Variants in FNBP4 observed in about 807,000 individuals in gnomAD.
FNBP4 encodes the protein formin-binding protein 4.
A neutral mutation model predicts 119.3 loss-of-function variants in FNBP4; 34 were observed. That is an observed-to-expected ratio of 0.28 (90% CI 0.22 to 0.38). The LOEUF is 0.38. Ranked by LOEUF, FNBP4 falls within the 10% of genes least tolerant of loss-of-function variation. FNBP4 has a pLI of 1.00. For synonymous variants in FNBP4, 462 were observed against 430.6 expected (o/e 1.07, Z -0.90); for missense variants, 1,112 against 1,228.9 (o/e 0.90, Z 1.42).
At chr11:47,729,661 C>CACTA (rs768040143) in intron 12 of FNBP4, 191 of 968,624 alleles carry the variant, frequency 2.0e-4, no homozygotes, top group Non-Finnish European at 2.3e-4. Flanking sequence ...AGGCGTGGGC[C>CACTA]ACTAACTATG....
intron 8 of FNBP4, among the ~76,000 whole-genome samples, chr11:47,737,749 AT>A (rs554267023): frequency 4.1e-4 from 56 of 137,372 alleles, no homozygotes; most frequent in East Asian, 2.6e-3. Context: ...CTGCATCATA[AT>A]TTTTTTTTTT....
rs142558389 is a variant in FNBP4 at position 47,749,427 on chromosome 11, G to A, written c.906+1489C>T. 5.4e-3 allele frequency among the ~76,000 whole-genome samples: 814 copies of A among 152,054 alleles called. 10 individuals carry two copies. The highest frequency in any genetic ancestry group is 0.018 in the African/African-American group (731 of 41,474). ...AAAAAAATAGAAAAATTAGTCAGGC[G>A]TTGTGCCTGTAATCCAAGCTACTCG... On this transcript the variant is annotated intron_variant, in intron 6 of 16. Coordinates refer to ENST00000263773, the MANE Select transcript of FNBP4 (RefSeq NM_015308.5).
At chr11:47,762,499 T>C (rs373068177) in intron 2 of FNBP4, among the ~76,000 whole-genome samples, 7 of 151,992 alleles carry the variant, frequency 4.6e-5, no homozygotes, top group African/African-American at 1.4e-4. Flanking sequence ...CATGATCATA[T>C]ATAGCTGACT....
intron 2 of FNBP4, 81 bp from the exon 3 acceptor site, chr11:47,754,745 G>GT (rs1261465059): frequency 1.3e-4 from 187 of 1,480,388 alleles, no homozygotes; most frequent in Admixed American, 1.0e-3. Context: ...AGTATAACAT[G>GT]TTTTTTTTAA....
intron 12 of FNBP4, chr11:47,727,065 C>A (rs2097561860): frequency 6.6e-6 from 1 of 152,090 alleles, no homozygotes; most frequent in Non-Finnish European, 1.5e-5. Context: ...ATGGTGGTGA[C>A]ATGCTATTAT....
chr11:47,728,107 C>G (rs1460607222), intron 12 of FNBP4, among the ~76,000 whole-genome samples: 1 of 151,986 alleles, frequency 6.6e-6, no homozygotes, highest in Non-Finnish European at 1.5e-5. Context: ...AACTCCCGAC[C>G]TCAGGTGATC....
intron 3 of FNBP4, among the ~76,000 whole-genome samples, chr11:47,753,330 G>A (rs2097608175): frequency 6.6e-6 from 1 of 152,116 alleles, no homozygotes; most frequent in Admixed American, 6.5e-5. Flanking sequence ...AAAAAATTAG[G>A]CTGGGCACGG....
rs1004477810 is a variant in FNBP4 at position 47,767,246 on chromosome 11, G to A, written c.43C>T (p.Leu15=). ...SRAVPGRRPI[L]QLSPPGPRGS... ...CGAGGACCCGGCGGAGAGAGTTGCA[G>A]GATGGGCCTACGGCCGGGTACCGCC... Residue 15 remains leucine (L), a synonymous_variant, in exon 1 of 17, where the codon CTG becomes TTG. Transcript: ENST00000263773. 10 of 1,569,402 alleles carry A rather than the reference G, an allele frequency of 6.4e-6. No individual in the cohort carries two copies. In the East Asian group the frequency reaches 2.1e-4, roughly 33 times the overall value.
At chr11:47,718,236 T>TG (rs1279301680) in intron 16 of FNBP4, among the ~76,000 whole-genome samples, 6 of 151,440 alleles carry the variant, frequency 4.0e-5, no homozygotes, top group Non-Finnish European at 8.8e-5. Context: ...GTTTTTGAGA[T>TG]GGAGTCTTGC....
chr11:47,766,219 C>T (rs533349471), intron 1 of FNBP4, among the ~76,000 whole-genome samples: 372 of 152,016 alleles, frequency 2.4e-3, no homozygotes, highest in Middle Eastern at 0.014. Flanking sequence ...GAGGCTAAGG[C>T]GGGAGGATCG....
intron 12 of FNBP4, chr11:47,730,170 G>T: frequency 1.0e-6 from 1 of 985,342 alleles, no homozygotes; most frequent in Non-Finnish European, 1.2e-6. Flanking sequence ...CTACGATCAA[G>T]CCTCTTCAGT....
At chr11:47,718,235 A>C (rs1233906598) in intron 16 of FNBP4, among the ~76,000 whole-genome samples, 2 of 151,044 alleles carry the variant, frequency 1.3e-5, no homozygotes, top group Non-Finnish European at 3.0e-5. Context: ...TGTTTTTGAG[A>C]TGGAGTCTTG....
At position 47,754,622 on chromosome 11, in the gene FNBP4, T is replaced by C. The variant is rs199623914; in HGVS notation, c.356A>G (p.Asp119Gly). The change falls in exon 3 of 17, where the codon GAT becomes GGT. Residue 119 changes from aspartate to glycine, a missense_variant. Coordinates refer to ENST00000263773, the MANE Select transcript of FNBP4 (RefSeq NM_015308.5). ...LLGAYADSDD[D>G]DNDVSEKLAQ... ...TAGTTTTTCGGAAACATCATTGTCA[T>C]CGTCATCACTGTCAGCATAAGCACC... 1 of 1,614,192 alleles carries C rather than the reference T, an allele frequency of 6.2e-7. No homozygotes were observed. Among genetic ancestry groups the C allele is most frequent in the Non-Finnish European group, 8.5e-7 (1 of 1,180,042 alleles).
Position 47,719,151 on chromosome 11 carries a change from G to C in FNBP4, c.2963+778C>G, listed in dbSNP as rs188133904. Among the ~76,000 whole-genome samples the C allele has an allele frequency of 9.8e-3, 1,484 of 151,966 alleles. 29 individuals are homozygous for C. Among genetic ancestry groups the C allele is most frequent in the African/African-American group, 0.034 (1,421 of 41,460 alleles). ...GATCCACCCGCCTTGGCCTCCCAAA[G>C]TGCTGGGATTACAGGCGTGAGCCAC... is the stretch of plus-strand genomic sequence containing the variant. On this transcript the variant is annotated intron_variant, in intron 16 of 16. Transcript: ENST00000263773.
chr11:47,728,104 G>C (rs1195265141), intron 12 of FNBP4, among the ~76,000 whole-genome samples: 5 of 151,768 alleles, frequency 3.3e-5, no homozygotes, highest in African/African-American at 1.2e-4. Flanking sequence ...TTGAACTCCC[G>C]ACCTCAGGTG....
rs745542571 is a variant in FNBP4 at position 47,734,149 on chromosome 11, AAAAGT to A, written c.1582-25_1582-21del. On this transcript the variant is annotated intron_variant, in intron 9 of 16. Transcript: ENST00000263773. ...CTGAAACTACAATGCAAAAAAGAAA[AAAAGT>A]AAAACTAGAATCCGTAACATTTTCT... The A allele has an allele frequency of 2.9e-6, 4 of 1,399,196 alleles. No homozygotes were observed. Among genetic ancestry groups the A allele is most frequent in the Non-Finnish European group, 3.9e-6 (4 of 1,014,490 alleles). The allele number at this position is 1,399,196 out of a possible 1,614,324, so 86.7% of individuals were successfully genotyped here.
chr11:47,743,945 C>T lies in FNBP4; in HGVS notation c.1456+8G>A, dbSNP rs764513461. On this transcript the variant is annotated splice_region_variant and intron_variant, in intron 8 of 16. Coordinates refer to ENST00000263773, the MANE Select transcript of FNBP4 (RefSeq NM_015308.5). Reference sequence around the variant, plus strand: ...CAACTCTGAAGTTTAATGTGAAGCACAAATTACCAGTTTCTCCATTTTCTG... The same window carrying T: ...CAACTCTGAAGTTTAATGTGAAGCATAAATTACCAGTTTCTCCATTTTCTG... The T allele has an allele frequency of 4.3e-6, 7 of 1,612,908 alleles. No individual in the cohort carries two copies. The East Asian group carries it at 1.6e-4, about 36-fold the overall frequency.
chr11:47,739,715 A>C (rs539971012), intron 8 of FNBP4, among the ~76,000 whole-genome samples: 1 of 152,232 alleles, frequency 6.6e-6, no homozygotes, highest in Non-Finnish European at 1.5e-5. Context: ...AATTGAGCCC[A>C]TGAATTCAAA....
intron 12 of FNBP4, chr11:47,725,739 G>A (rs2097560270): frequency 1.0e-6 from 1 of 958,134 alleles, no homozygotes; most frequent in Admixed American, 6.2e-5. Context: ...ATACTTACTT[G>A]TAGCCTTCCC....
Sources: allele counts gnomAD v4.1 joint callset (sites outside exome capture counted in the v4.1 genomes callset), GRCh38; gene constraint gnomAD v4.1.1; transcripts MANE v1.5; gene names NCBI Gene and HGNC (gene_info 2026-07-23, HGNC 2026-07-21).